STXBP3: variants seen among roughly 807,000 people sequenced by gnomAD.
STXBP3 encodes the protein syntaxin-binding protein 3.
In STXBP3, 41 loss-of-function variants were observed where a neutral mutation model predicts 85.7. The observed-to-expected ratio is 0.48, with a 90% CI of 0.37 to 0.62. The LOEUF (loss-of-function observed/expected upper bound fraction) is 0.62, where lower values mean the gene tolerates loss of function less well. STXBP3 is among the 20% of genes least tolerant of loss of function. The pLI, the probability that STXBP3 is intolerant of heterozygous loss-of-function variation, is 0.00. For missense variants in STXBP3, 563 were observed against 703.1 expected (o/e 0.80, Z 2.25); for synonymous variants, 229 against 231.7 (o/e 0.99, Z 0.10).
chr1:108,793,440 CT>C, intron 11 of STXBP3, 141 bp from the exon 12 acceptor site: 1 of 603,182 alleles, frequency 1.7e-6, no homozygotes, highest in Non-Finnish European at 2.8e-6. Flanking sequence ...TGGAAGCCTC[CT>C]AAATTCTTCT....
chr1:108,761,161 C>T (rs183515272), intron 6 of STXBP3, among the ~76,000 whole-genome samples: 404 of 152,314 alleles, frequency 2.7e-3, no homozygotes, highest in African/African-American at 9.4e-3. Context: ...TATCCTCGGC[C>T]TTCCCAAGTG....
intron 3 of STXBP3, among the ~76,000 whole-genome samples, chr1:108,753,703 G>T (rs1169687191): frequency 6.6e-6 from 1 of 152,074 alleles, no homozygotes; most frequent in East Asian, 1.9e-4. Flanking sequence ...GCGGGATTAT[G>T]TTATTGAGAT....
chr1:108,771,653 T>A (rs1334616184), intron 6 of STXBP3, among the ~76,000 whole-genome samples: 24 of 7,338 alleles, frequency 3.3e-3, no homozygotes, highest in Non-Finnish European at 4.9e-3. Context: ...ATGATATATA[T>A]CTATATATAT....
At position 108,772,362 on chromosome 1, in the gene STXBP3, CATATATAAATACATATGATATCTGT is replaced by C. The variant is rs1557806581; in HGVS notation, c.439-279_439-255del. Among the ~76,000 whole-genome samples the C allele has an allele frequency of 4.1e-4, 14 of 34,556 alleles. 4 individuals are homozygous for C. Among genetic ancestry groups the C allele is most frequent in the African/African-American group, 7.5e-4 (5 of 6,630 alleles). The allele number at this position is 34,556 out of a possible 152,430, so 22.7% of individuals were successfully genotyped here. A position where few individuals can be genotyped will look rare whatever the true frequency, so the allele number is the denominator to read the frequency against. On this transcript the variant is annotated intron_variant, in intron 6 of 18. Coordinates refer to ENST00000370008, the MANE Select transcript of STXBP3 (RefSeq NM_007269.4). The stretch of plus-strand genomic sequence containing the variant: ...ATATAAATACATATGATATCTGTAT[CATATATAAATACATATGATATCTGT>C]ATATATAAATACATATGATATCTAT...
chr1:108,804,281 C>G (rs770308912), intron 17 of STXBP3, among the ~76,000 whole-genome samples: 1 of 152,100 alleles, frequency 6.6e-6, no homozygotes, highest in Non-Finnish European at 1.5e-5. Context: ...CTCTCTTACA[C>G]TGTGTCTCAT....
chr1:108,777,015 A>G (rs901520631), intron 8 of STXBP3, among the ~76,000 whole-genome samples: 2 of 152,186 alleles, frequency 1.3e-5, no homozygotes, highest in South Asian at 2.1e-4. Flanking sequence ...GAAATAATAT[A>G]ATCAAAGACT....
At chr1:108,767,022 C>G (rs768348513) in intron 6 of STXBP3, 12 of 465,738 alleles carry the variant, frequency 2.6e-5, no homozygotes, top group Non-Finnish European at 4.8e-5. Context: ...TAACATGTCA[C>G]CAACCATCAC....
chr1:108,773,662 C>G (rs1230120960), intron 7 of STXBP3, among the ~76,000 whole-genome samples: 1 of 152,042 alleles, frequency 6.6e-6, no homozygotes, highest in African/African-American at 2.4e-5. Context: ...CATTGCAGGG[C>G]ACACTACACA....
intron 1 of STXBP3, among the ~76,000 whole-genome samples, chr1:108,751,068 T>G (rs1276503827): frequency 6.6e-6 from 1 of 152,196 alleles, no homozygotes; most frequent in African/African-American, 2.4e-5. Flanking sequence ...TTATGGAGGC[T>G]TCATTATATA....
At chr1:108,794,737 T>TGG (rs1557813959) in intron 12 of STXBP3, 90 bp from the exon 13 acceptor site, 1 of 1,119,300 alleles carries the variant, frequency 8.9e-7, no homozygotes, top group African/African-American at 1.6e-5. Context: ...AGCCCATACT[T>TGG]TCTTTCAGGC....
chr1:108,804,352 A>G (rs1663287495), intron 17 of STXBP3, among the ~76,000 whole-genome samples: 1 of 151,978 alleles, frequency 6.6e-6, no homozygotes, highest in Non-Finnish European at 1.5e-5. Flanking sequence ...CTGTTTTAGA[A>G]GTTCTCATGT....
At chr1:108,763,298 T>C (rs1662182000) in intron 6 of STXBP3, among the ~76,000 whole-genome samples, 2 of 152,200 alleles carry the variant, frequency 1.3e-5, no homozygotes, top group African/African-American at 4.8e-5. Flanking sequence ...TTATTAACCA[T>C]TGGATAACCC....
rs1235056969 is a variant in STXBP3, at chr1:108,772,881, T to G, written c.593+62T>G. ...ATTTACCATTCATTATAGAGGTAAG[T>G]AATGTGTCTGTACCTTGGCATGTTG... On this transcript the variant is annotated intron_variant, in intron 7 of 18. Coordinates refer to ENST00000370008, the MANE Select transcript of STXBP3 (RefSeq NM_007269.4). The G allele has an allele frequency of 5.0e-6, 7 of 1,402,460 alleles. No homozygotes were observed. The African/African-American group carries it at 1.0e-4, about 20-fold the overall frequency. 86.9% of individuals were successfully genotyped at this position (1,402,460 alleles called of 1,614,324 possible). A position where few individuals can be genotyped will look rare whatever the true frequency, so the allele number is the denominator to read the frequency against.
chr1:108,808,932 AAG>A lies in STXBP3; in HGVS notation c.*57_*58del. ...TACTAATATGTTGAACTAAAATAGA[AAG>A]AAAATGTTGCTGTCATGTAATTTAA... On this transcript the variant is annotated 3_prime_UTR_variant, in exon 19 of 19. Transcript: ENST00000370008. 2.5e-6 allele frequency: 3 copies of A among 1,194,346 alleles called. No homozygotes were observed. The highest frequency in any genetic ancestry group is 3.6e-6 in the Non-Finnish European group (3 of 831,920). The allele number at this position is 1,194,346 out of a possible 1,614,324, so 74.0% of individuals were successfully genotyped here. A position where few individuals can be genotyped will look rare whatever the true frequency, so the allele number is the denominator to read the frequency against.
At chr1:108,800,191 T>C (rs751598943) in intron 16 of STXBP3, 29 bp from the exon 17 acceptor site, 2 of 1,509,986 alleles carry the variant, frequency 1.3e-6, no homozygotes, top group Admixed American at 1.7e-5. Context: ...TACAATTTTA[T>C]TGATGGAATT....
At chr1:108,775,190 C>G (rs565485189) in intron 7 of STXBP3, among the ~76,000 whole-genome samples, 1 of 152,112 alleles carries the variant, frequency 6.6e-6, no homozygotes, top group East Asian at 1.9e-4. Context: ...CCTAAAGATT[C>G]TGTAAAACTT....
chr1:108,793,511 A>G (rs1026505927), intron 11 of STXBP3, 71 bp from the exon 12 acceptor site: 12 of 1,309,356 alleles, frequency 9.2e-6, no homozygotes, highest in African/African-American at 1.5e-5. Flanking sequence ...GTAAAACTCT[A>G]GGATTTCAAA....
chr1:108,794,950 A>C (rs1149158), intron 13 of STXBP3, 43 bp downstream of exon 13: 394,769 of 1,518,952 alleles, frequency 0.26, 60,718 homozygotes, highest in East Asian at 0.78. Context: ...AACAAATTTC[A>C]AGGATAAACT....
intron 17 of STXBP3, among the ~76,000 whole-genome samples, chr1:108,806,724 C>T (rs1478171163): frequency 6.6e-6 from 1 of 152,086 alleles, no homozygotes; most frequent in African/African-American, 2.4e-5. Context: ...TTCCCCTTCA[C>T]ATCTTCAAAA....
Sources: gnomAD v4.1 joint callset for allele counts (sites outside exome capture counted in the v4.1 genomes callset) on GRCh38, gnomAD v4.1.1 for gene constraint, MANE v1.5 for transcripts, NCBI Gene and HGNC (gene_info 2026-07-23, HGNC 2026-07-21) for gene names.